SKIC3: variants seen among roughly 807,000 people sequenced by gnomAD.
SKIC3 encodes superkiller complex protein 3.
At chr5:95,511,499 T>G in the SKIC3 span, among the ~76,000 whole-genome samples, 1 of 152,156 alleles carries the variant, frequency 6.6e-6, no homozygotes, top group Admixed American at 6.5e-5. Flanking sequence ...CCCCCCCAAG[T>G]GCTGATGTTT....
chr5:95,541,247 TG>T, the SKIC3 span: 11 of 1,528,978 alleles, frequency 7.2e-6, no homozygotes, highest in Non-Finnish European at 1.8e-6. Flanking sequence ...ATTACAGGTG[TG>T]AGTCACCGCG....
At chr5:95,496,604 G>C in the SKIC3 span, among the ~76,000 whole-genome samples, 1 of 152,232 alleles carries the variant, frequency 6.6e-6, no homozygotes, top group East Asian at 1.9e-4. Context: ...CCCAGCAGAA[G>C]CAAGTACAAA....
the SKIC3 span, among the ~76,000 whole-genome samples, chr5:95,522,832 T>A: frequency 6.6e-6 from 1 of 152,180 alleles, no homozygotes; most frequent in Non-Finnish European, 1.5e-5. Context: ...ATGACTCAAA[T>A]TGATCATATA....
chr5:95,517,035 T>A, the SKIC3 span: 485 of 1,613,672 alleles, frequency 3.0e-4, no homozygotes, highest in Non-Finnish European at 3.9e-4. Context: ...GATGTAGACA[T>A]CAGTTTTAAT....
chr5:95,519,364 A>C, the SKIC3 span, among the ~76,000 whole-genome samples: 2 of 152,042 alleles, frequency 1.3e-5, no homozygotes, highest in African/African-American at 4.8e-5. Context: ...AAGCAGATGG[A>C]ACATTTTTCA....
chr5:95,505,065 A>C, the SKIC3 span, among the ~76,000 whole-genome samples: 1 of 152,296 alleles, frequency 6.6e-6, no homozygotes, highest in South Asian at 2.1e-4. Flanking sequence ...AATACTTATT[A>C]ATAACAGAAA....
At chr5:95,509,564 C>A in the SKIC3 span, 1 of 1,503,654 alleles carries the variant, frequency 6.7e-7, no homozygotes, top group Non-Finnish European at 9.3e-7. Flanking sequence ...CATCTTCCTC[C>A]TGCATCTATC....
At chr5:95,546,886 G>A in the SKIC3 span, 1 of 624,022 alleles carries the variant, frequency 1.6e-6, no homozygotes, top group Non-Finnish European at 2.8e-6. Context: ...GTTAAGTTTG[G>A]CAGAGGTAGT....
At chr5:95,478,884 T>C in the SKIC3 span, among the ~76,000 whole-genome samples, 1 of 152,150 alleles carries the variant, frequency 6.6e-6, no homozygotes, top group East Asian at 1.9e-4. Context: ...TAAGGATATT[T>C]ATAAAAACCT....
chr5:95,544,331 C>G, the SKIC3 span, among the ~76,000 whole-genome samples: 1 of 152,210 alleles, frequency 6.6e-6, no homozygotes, highest in Non-Finnish European at 1.5e-5. Flanking sequence ...TGCCATGACT[C>G]TAAGTCTAGT....
At chr5:95,489,449 T>C in the SKIC3 span, among the ~76,000 whole-genome samples, 1 of 150,142 alleles carries the variant, frequency 6.7e-6, no homozygotes, top group African/African-American at 2.5e-5. Context: ...TAAAGCAGTA[T>C]AGTGTTAGTT....
the SKIC3 span, among the ~76,000 whole-genome samples, chr5:95,507,611 T>C: frequency 6.6e-6 from 1 of 152,164 alleles, no homozygotes; most frequent in South Asian, 2.1e-4. Context: ...TTGGTTTTTA[T>C]TTTCTTTCCC....
chr5:95,509,208 C>T, the SKIC3 span, among the ~76,000 whole-genome samples: 1 of 152,030 alleles, frequency 6.6e-6, no homozygotes, highest in Non-Finnish European at 1.5e-5. Context: ...GAAAAGATAA[C>T]CGATAAACAA....
the SKIC3 span, chr5:95,513,662 A>C: frequency 5.0e-6 from 8 of 1,608,360 alleles, no homozygotes; most frequent in Non-Finnish European, 6.0e-6. Context: ...AAGGAAAAAA[A>C]CAGACTCTTA....
chr5:95,486,240 C>T, the SKIC3 span, among the ~76,000 whole-genome samples: 5 of 152,156 alleles, frequency 3.3e-5, no homozygotes, highest in Non-Finnish European at 5.9e-5. Flanking sequence ...CCTAGAGCCC[C>T]ACTGATATTC....
the SKIC3 span, chr5:95,546,922 G>A: frequency 1.2e-6 from 1 of 814,420 alleles, no homozygotes; most frequent in Non-Finnish European, 2.0e-6. Context: ...GAGGTTAAAA[G>A]TCCAACCATT....
At chr5:95,478,281 T>C in the SKIC3 span, 2 of 1,613,584 alleles carry the variant, frequency 1.2e-6, no homozygotes, top group South Asian at 1.1e-5. Flanking sequence ...AATTATAACA[T>C]GATCTTACCA....
the SKIC3 span, chr5:95,482,554 T>C: frequency 1.2e-6 from 2 of 1,614,064 alleles, no homozygotes; most frequent in Non-Finnish European, 1.7e-6. Flanking sequence ...GTGGCTTTTG[T>C]GACTCCAGGA....
chr5:95,544,271 G>A, the SKIC3 span, among the ~76,000 whole-genome samples: 23,806 of 152,026 alleles, frequency 0.16, 2,559 homozygotes, highest in African/African-American at 0.3. Context: ...CCAAAAGCCC[G>A]GCTGCTGAGA....
Sources: allele counts gnomAD v4.1 joint callset (sites outside exome capture counted in the v4.1 genomes callset), GRCh38; gene constraint gnomAD v4.1.1; transcripts MANE v1.5; gene names NCBI Gene and HGNC (gene_info 2026-07-23, HGNC 2026-07-21).